Variants in LINGO1 observed in about 807,000 individuals in gnomAD.
LINGO1 encodes leucine rich repeat and Ig domain containing 1.
Under a neutral mutation model 37.3 loss-of-function variants are expected in LINGO1, and 11 were observed. That is an observed-to-expected ratio of 0.29 (90% CI 0.19 to 0.49). LINGO1 has a LOEUF of 0.49. LINGO1 is among the 20% of genes least tolerant of loss of function. The pLI, the probability that LINGO1 is intolerant of heterozygous loss-of-function variation, is 0.99. For missense variants in LINGO1, 585 were observed against 878.2 expected (o/e 0.67, Z 4.22); for synonymous variants, 387 against 403.0 (o/e 0.96, Z 0.48).
intron 2 of LINGO1, among the ~76,000 whole-genome samples, chr15:77,712,598 C>T (rs552297798): frequency 7.0e-4 from 106 of 152,272 alleles, no homozygotes; most frequent in Admixed American, 6.9e-3. Flanking sequence ...CTCCAGCCAC[C>T]GGCCACCTCA....
chr15:77,635,354 T>TGA (rs1261366811), upstream of LINGO1, among the ~76,000 whole-genome samples: 1 of 152,080 alleles, frequency 6.6e-6, no homozygotes, highest in African/African-American at 2.4e-5. Flanking sequence ...TTGGGCCTGG[T>TGA]GAGAGTACGG....
chr15:77,671,403 G>A (rs1449151333), intron 3 of LINGO1, among the ~76,000 whole-genome samples: 5 of 152,160 alleles, frequency 3.3e-5, no homozygotes, highest in African/African-American at 7.2e-5. Flanking sequence ...GAGGAAGCAC[G>A]GGCTGCTCTT....
At chr15:77,630,160 C>T (rs2074210435) in intron 1 of LINGO1, among the ~76,000 whole-genome samples, 1 of 152,046 alleles carries the variant, frequency 6.6e-6, no homozygotes, top group South Asian at 2.1e-4. Context: ...CTGAAACCAC[C>T]ACACCTACTA....
chr15:77,811,685 T>C (rs2141479944), intron 1 of LINGO1, among the ~76,000 whole-genome samples: 1 of 152,320 alleles, frequency 6.6e-6, no homozygotes, highest in South Asian at 2.1e-4. Context: ...AGATTCTTTA[T>C]CTCCCAAGGA....
intron 2 of LINGO1, among the ~76,000 whole-genome samples, chr15:77,724,316 T>C (rs2076081012): frequency 6.6e-6 from 1 of 152,112 alleles, no homozygotes; most frequent in Admixed American, 6.5e-5. Flanking sequence ...CTTAGGGGTG[T>C]GAATTGGGCA....
chr15:77,766,217 C>G (rs1017802511), intron 1 of LINGO1, among the ~76,000 whole-genome samples: 4 of 146,084 alleles, frequency 2.7e-5, no homozygotes, highest in African/African-American at 1.0e-4. Flanking sequence ...AGGATCGCCT[C>G]AGCTTGGGAG....
At chr15:77,636,278 A>G (rs946314918), upstream of LINGO1, among the ~76,000 whole-genome samples, 3 of 152,208 alleles carry the variant, frequency 2.0e-5, no homozygotes, top group Admixed American at 1.3e-4. Context: ...GGTGGCACAC[A>G]CAGGCCTGCC....
chr15:77,684,204 C>T (rs1028677028), intron 2 of LINGO1, among the ~76,000 whole-genome samples: 14 of 152,146 alleles, frequency 9.2e-5, no homozygotes, highest in Admixed American at 2.6e-4. Flanking sequence ...TGGTGACAGT[C>T]GACATTTAGG....
intron 3 of LINGO1, chr15:77,646,579 C>T: frequency 2.7e-6 from 1 of 369,328 alleles, no homozygotes; most frequent in Non-Finnish European, 5.4e-6. Context: ...CCAAGAGGGA[C>T]AGACCAGGGG....
intron 2 of LINGO1, among the ~76,000 whole-genome samples, chr15:77,678,146 A>G (rs1327039830): frequency 1.3e-5 from 2 of 152,234 alleles, no homozygotes; most frequent in African/African-American, 4.8e-5. Flanking sequence ...CCTTGTTTCA[A>G]TAGTCCCACA....
chr15:77,730,334 A>G (rs1438514653), intron 2 of LINGO1, among the ~76,000 whole-genome samples: 3 of 152,234 alleles, frequency 2.0e-5, no homozygotes, highest in African/African-American at 4.8e-5. Context: ...CTGTTACCCA[A>G]TGGGAAAACT....
chr15:77,677,497 T>C (rs1344354392), intron 2 of LINGO1, among the ~76,000 whole-genome samples: 1 of 152,070 alleles, frequency 6.6e-6, no homozygotes, highest in Non-Finnish European at 1.5e-5. Flanking sequence ...GCAAGTTTTG[T>C]TCACGTGCAC....
chr15:77,819,421 T>C (rs1160200334), intron 1 of LINGO1: 5 of 151,000 alleles, frequency 3.3e-5, no homozygotes, highest in African/African-American at 4.9e-5. Context: ...AGGGAGGGCG[T>C]GTGTATGCGC....
intron 3 of LINGO1, among the ~76,000 whole-genome samples, chr15:77,665,708 C>T (rs371010767): frequency 5.3e-5 from 8 of 152,232 alleles, no homozygotes; most frequent in East Asian, 1.9e-4. Context: ...CCGCACCCTC[C>T]GCCAGGCAGG....
chr15:77,725,049 C>T (rs757564125), intron 2 of LINGO1, among the ~76,000 whole-genome samples: 17 of 152,226 alleles, frequency 1.1e-4, no homozygotes, highest in South Asian at 2.1e-4. Context: ...AAGGACCTCA[C>T]GCCCATACCC....
At chr15:77,703,420 T>C (rs984805156) in intron 2 of LINGO1, among the ~76,000 whole-genome samples, 2 of 152,144 alleles carry the variant, frequency 1.3e-5, no homozygotes, top group African/African-American at 4.8e-5. Context: ...CCTAGGAATA[T>C]TGGCAGTGGG....
At chr15:77,730,646 G>A (rs1033401562) in intron 2 of LINGO1, among the ~76,000 whole-genome samples, 20 of 152,250 alleles carry the variant, frequency 1.3e-4, no homozygotes, top group Non-Finnish European at 2.2e-4. Context: ...CAACCTGGGG[G>A]AGACACAGGC....
chr15:77,779,376 T>C (rs1396042589), intron 1 of LINGO1, among the ~76,000 whole-genome samples: 2 of 152,158 alleles, frequency 1.3e-5, no homozygotes, highest in Non-Finnish European at 2.9e-5. Context: ...TCAAGTGCAT[T>C]ACATTTATTG....
chr15:77,749,678 C>A (rs573699441), intron 1 of LINGO1, among the ~76,000 whole-genome samples: 6 of 152,230 alleles, frequency 3.9e-5, no homozygotes, highest in African/African-American at 1.4e-4. Flanking sequence ...TGAAGCTGCT[C>A]CCGCCACCAG....
Sources: allele counts gnomAD v4.1 joint callset (sites outside exome capture counted in the v4.1 genomes callset), GRCh38; gene constraint gnomAD v4.1.1; transcripts MANE v1.5; gene names NCBI Gene and HGNC (gene_info 2026-07-23, HGNC 2026-07-21).